Variants in POLE observed in about 807,000 individuals in gnomAD.
POLE encodes the protein DNA polymerase epsilon, catalytic subunit, also known as DNA polymerase epsilon catalytic subunit A.
Under a neutral mutation model 279.2 loss-of-function variants are expected in POLE, and 188 were observed. The ratio of observed to expected loss-of-function variants is 0.67; its 90% CI spans 0.60 to 0.76. The LOEUF (loss-of-function observed/expected upper bound fraction) is 0.76, where lower values mean the gene tolerates loss of function less well. Ranked by LOEUF, POLE falls within the 30% of genes least tolerant of loss-of-function variation. The pLI is 0.00. For missense variants in POLE, 2,703 were observed against 3,016.7 expected (o/e 0.90, Z 2.44); for synonymous variants, 1,214 against 1,172.5 (o/e 1.04, Z -0.72).
intron 1 of POLE, among the ~76,000 whole-genome samples, chr12:132,687,046 C>T (rs2136050802): frequency 6.6e-6 from 1 of 151,746 alleles, no homozygotes; most frequent in Non-Finnish European, 1.5e-5. Flanking sequence ...CTCGTTTCCC[C>T]GCAAAGAAGC....
At position 132,659,847 on chromosome 12, in the gene POLE, A is replaced by T; in HGVS notation, c.3061-338T>A. 3 of 251,026 alleles carry T rather than the reference A, an allele frequency of 1.2e-5. No homozygotes were observed. The South Asian group carries it at 1.6e-4, about 14-fold the overall frequency. 15.5% of individuals were successfully genotyped at this position (251,026 alleles called of 1,614,324 possible). A position where few individuals can be genotyped will look rare whatever the true frequency, so the allele number is the denominator to read the frequency against. On this transcript the variant is annotated intron_variant, in intron 25 of 48. Transcript: ENST00000320574. The stretch of plus-strand genomic sequence containing the variant: ...GCTGAGATTACAGGCACATGCCATC[A>T]CATCCAGCTAATTTTTGTATTTTTA...
rs148526675 is a variant in POLE, at chr12:132,630,968, T to C, written c.6330+1347A>G. ...ACACTTAAAAAATGACCTCAGAGAA[T>C]TGAAATTTATGTTCACACAAAAACC... On this transcript the variant is annotated intron_variant, in intron 45 of 48. Transcript: ENST00000320574. Among the ~76,000 whole-genome samples the C allele has an allele frequency of 1.9e-3, 292 of 152,274 alleles. 3 individuals are homozygous for C. The highest frequency in any genetic ancestry group is 7.0e-4 in the African/African-American group (29 of 41,562).
At chr12:132,655,210 C>G (rs897446437) in intron 29 of POLE, among the ~76,000 whole-genome samples, 2 of 152,138 alleles carry the variant, frequency 1.3e-5, no homozygotes, top group Non-Finnish European at 2.9e-5. Context: ...GTATACAAGT[C>G]CTGTTTAACT....
chr12:132,673,848 T>C, intron 12 of POLE, 141 bp from the exon 13 acceptor site: 1 of 863,376 alleles, frequency 1.2e-6, no homozygotes, highest in South Asian at 1.5e-5. Flanking sequence ...AGGCCCCACA[T>C]GGTGTAGACA....
chr12:132,642,699 C>A lies in POLE; in HGVS notation c.4759G>T (p.Val1587Phe), dbSNP rs372388555. Reference protein sequence around the residue: ...EERRGPTLIAVQSSWELKRLA... With the variant: ...EERRGPTLIAFQSSWELKRLA... ...CTCTTCAGCTCCCAGCTGGACTGAA[C>A]AGCGATGAGTGTGGGCCCCCGGCGC... Residue 1587 changes from valine (V) to phenylalanine (F), a missense_variant, in exon 37 of 49, where the codon GTT (valine) becomes TTT (phenylalanine). By Grantham distance (50) the Val-to-Phe change is conservative. This residue lies in a region of POLE where 1,551 missense variants were observed against 1,686.1 expected (regional missense o/e 0.92). Coordinates refer to ENST00000320574, the MANE Select transcript of POLE (RefSeq NM_006231.4). 2.9e-5 allele frequency: 46 copies of A among 1,613,810 alleles called. No homozygotes were observed. Among genetic ancestry groups the A allele is most frequent in the Non-Finnish European group, 3.9e-5 (46 of 1,179,938 alleles).
At chr12:132,632,896 G>A (rs2041963826) in intron 43 of POLE, 101 bp from the exon 44 acceptor site, 1 of 1,293,220 alleles carries the variant, frequency 7.7e-7, no homozygotes, top group East Asian at 2.4e-5. Flanking sequence ...CACAGATGAG[G>A]CTAAAATGTC....
chr12:132,676,605 T>C lies in POLE; in HGVS notation c.850A>G (p.Lys284Glu), dbSNP rs568483856. 8.4e-5 allele frequency: 135 copies of C among 1,613,894 alleles called. No individual in the cohort carries two copies. The highest frequency in any genetic ancestry group is 1.1e-4 in the Non-Finnish European group (126 of 1,179,938). ...FDIETTKLPLKFPDAETDQIM... is the reference protein window; with the variant it reads ...FDIETTKLPLEFPDAETDQIM... ...TGGTCTGTCTCAGCATCAGGAAACT[T>C]GAGGGGCAGTTTGGTCGTCTCAATG... Residue 284 changes from lysine (K) to glutamate (E), a missense_variant, in exon 9 of 49, where the codon AAG becomes GAG. Transcript: ENST00000320574.
rs982209095 is a variant in POLE, at chr12:132,682,454, A to G, written c.63-1175T>C. ...AGCCAAGATTGCGCCACTGCACTCC[A>G]GCCTGGGTGACAAGAGTGAAACTTC... On this transcript the variant is annotated intron_variant, in intron 1 of 48. Transcript: ENST00000320574. Among the ~76,000 whole-genome samples the G allele has an allele frequency of 3.9e-5, 6 of 151,982 alleles. No individual in the cohort carries two copies. The East Asian group carries it at 1.2e-3, about 29-fold the overall frequency.
rs372901803 is a variant in POLE, at chr12:132,643,890, C to A, written c.4237G>T (p.Glu1413Ter). 6.2e-7 allele frequency: 1 copy of A among 1,614,158 alleles called. No homozygotes were observed. The highest frequency in any genetic ancestry group is 8.5e-7 in the Non-Finnish European group (1 of 1,180,014). Residue 1413 changes from glutamate to a stop codon, truncating the protein, a stop_gained, in exon 33 of 49, where the codon GAG (glutamate) becomes TAG (stop). Transcript: ENST00000320574. LOFTEE classifies it high-confidence loss of function. ...PEDMYQEHIN[E>*]INAELSAPDI... ...GGCGCTGACAGCTCAGCGTTGATCT[C>A]GTTGATGTGTTCCTGGTACATGTCC...
chr12:132,668,238 G>A lies in POLE; in HGVS notation c.2173+118C>T. 1 of 1,185,934 alleles carries A rather than the reference G, an allele frequency of 8.4e-7. No individual in the cohort carries two copies. Among genetic ancestry groups the A allele is most frequent in the Non-Finnish European group, 1.2e-6 (1 of 863,832 alleles). 73.5% of individuals were successfully genotyped at this position (1,185,934 alleles called of 1,614,324 possible). A position where few individuals can be genotyped will look rare whatever the true frequency, so the allele number is the denominator to read the frequency against. ...TTACAGTGACCTAGAGCAGCTTCTG[G>A]TCTGCTGTGACAACACCTCTGGGGC... On this transcript the variant is annotated intron_variant, in intron 19 of 48. Transcript: ENST00000320574. This position sits in a 1 kb window ranked among gnomAD's most constrained non-coding sequence, Gnocchi z 4.0.
At chr12:132,648,133 G>T (rs2042329752) in intron 32 of POLE, among the ~76,000 whole-genome samples, 2 of 152,166 alleles carry the variant, frequency 1.3e-5, no homozygotes, top group Admixed American at 6.5e-5. Context: ...GCGCACTCAT[G>T]GCCACATGAA....
At chr12:132,680,845 G>A (rs1205992351) in intron 2 of POLE, among the ~76,000 whole-genome samples, 158 bp from the exon 3 acceptor site, 1 of 152,074 alleles carries the variant, frequency 6.6e-6, no homozygotes, top group Admixed American at 6.6e-5. Flanking sequence ...TTATTCACAA[G>A]AACCACACTG....
chr12:132,666,737 T>G (rs5744809), intron 20 of POLE, among the ~76,000 whole-genome samples: 3,668 of 152,248 alleles, frequency 0.024, 125 homozygotes, highest in African/African-American at 0.083. Context: ...AGCTACTGTT[T>G]GATGGAGATA....
In POLE at chr12:132,661,227, G is replaced by A. The variant is rs941749223; in HGVS notation, c.2865-63C>T. ...GGAGCGCTGGGGAGCCACCAGCTGT[G>A]CCTCATCCTCTCTGCCCGCCTCTTC... On this transcript the variant is annotated intron_variant, in intron 24 of 48. Transcript: ENST00000320574. The surrounding 1 kb of genome is among the most constrained non-coding windows in gnomAD (Gnocchi z 4.1). 2.1e-6 allele frequency: 3 copies of A among 1,427,328 alleles called. No individual in the cohort carries two copies. Among genetic ancestry groups the A allele is most frequent in the Non-Finnish European group, 2.8e-6 (3 of 1,054,542 alleles). The allele number at this position is 1,427,328 out of a possible 1,614,324, so 88.4% of individuals were successfully genotyped here. A position where few individuals can be genotyped will look rare whatever the true frequency, so the allele number is the denominator to read the frequency against.
At chr12:132,669,005 C>A in intron 16 of POLE, 66 bp from the exon 17 acceptor site, 1 of 1,502,132 alleles carries the variant, frequency 6.7e-7, no homozygotes, top group Non-Finnish European at 9.1e-7. Context: ...GTTCACCAAC[C>A]CCTTTTAGAC....
At position 132,677,377 on chromosome 12, in the gene POLE, G is replaced by T. The variant is rs2043077432; in HGVS notation, c.787C>A (p.Leu263Ile). ...FPVEITRRDDLVERPDPVVLA... is the reference protein window; with the variant it reads ...FPVEITRRDDIVERPDPVVLA... Reference sequence around the variant, plus strand: ...GCAAAACTTACAGGTCGTTCAACAAGGTCATCTCGGCGGGTGATTTCTACC... The same window carrying T: ...GCAAAACTTACAGGTCGTTCAACAATGTCATCTCGGCGGGTGATTTCTACC... Residue 263 changes from leucine to isoleucine, a missense_variant, in exon 8 of 49, where the codon CTT becomes ATT. Around this residue, in one of 5 missense-constraint regions of POLE, gnomAD observed 1,011 missense variants for 1,111.7 expected, o/e 0.91. Coordinates refer to ENST00000320574, the MANE Select transcript of POLE (RefSeq NM_006231.4). 1 of 1,613,868 alleles carries T rather than the reference G, an allele frequency of 6.2e-7. No homozygotes were observed. The highest frequency in any genetic ancestry group is 8.5e-7 in the Non-Finnish European group (1 of 1,179,754).
chr12:132,642,334 G>A lies in POLE; in HGVS notation c.5016C>T (p.Phe1672=), dbSNP rs1215558942. The change falls in exon 38 of 49, where the codon TTC becomes TTT. Residue 1672 remains phenylalanine (F), a synonymous_variant. Transcript: ENST00000320574. ...EDISTFGSDL[F]FARHLQRHNH... ...TGTGGCGCTGGAGGTGGCGGGCAAA[G>A]AAGAGGTCGGAGCCGAATGTGGAGA... The A allele has an allele frequency of 1.3e-6, 2 of 1,594,976 alleles. No homozygotes were observed. The highest frequency in any genetic ancestry group is 1.7e-6 in the Non-Finnish European group (2 of 1,170,162).
rs770009143 is a variant in POLE, at chr12:132,626,214, C to T, written c.6434G>A (p.Arg2145Gln). 1.7e-5 allele frequency: 28 copies of T among 1,613,706 alleles called. No homozygotes were observed. Among genetic ancestry groups the T allele is most frequent in the East Asian group, 8.9e-5 (4 of 44,892 alleles). Residue 2145 changes from arginine to glutamine, a missense_variant, in exon 46 of 49, where the codon CGA becomes CAA. Coordinates refer to ENST00000320574, the MANE Select transcript of POLE (RefSeq NM_006231.4). ...VGEFSEEAQF[R>Q]DPCRSYVLPE... ...AAGCACGTAGGAGCGGCAGGGGTCT[C>T]GGAACTGGGCCTCCTCGGAGAACTC... is the stretch of plus-strand genomic sequence containing the variant.
intron 6 of POLE, among the ~76,000 whole-genome samples, chr12:132,679,165 C>T (rs1395924730): frequency 6.6e-6 from 1 of 152,166 alleles, no homozygotes; most frequent in East Asian, 1.9e-4. Context: ...CTGTGTAAAT[C>T]TCAGCACTTA....
Sources: gnomAD v4.1 joint callset for allele counts (sites outside exome capture counted in the v4.1 genomes callset) on GRCh38, gnomAD v4.1.1 for gene constraint, gnomAD v4.1.1 regional missense constraint, Gnocchi (gnomAD v3.1) non-coding constraint, MANE v1.5 for transcripts, NCBI Gene and HGNC (gene_info 2026-07-23, HGNC 2026-07-21) for gene names.